The following QRSL1 variants were observed in gnomAD, a reference collection of about 807,000 sequenced individuals.
The protein encoded by QRSL1 is glutamyl-tRNA(Gln) amidotransferase subunit A, mitochondrial.
QRSL1 carries 54 observed loss-of-function variants against 61.6 expected under a neutral mutation model. The observed-to-expected ratio is 0.88, with a 90% CI of 0.70 to 1.10. The LOEUF (loss-of-function observed/expected upper bound fraction) is 1.10, where lower values mean the gene tolerates loss of function less well. Ranked by LOEUF, QRSL1 falls within the 50% of genes least tolerant of loss-of-function variation. The probability of loss-of-function intolerance (pLI) is 0.00; values close to 1 mark genes in which losing one functional copy is unlikely to be tolerated. For synonymous variants in QRSL1, 228 were observed against 225.7 expected (o/e 1.01, Z -0.09); for missense variants, 505 against 622.6 (o/e 0.81, Z 2.01).
At chr6:106,650,910 A>T (rs972840779) in intron 5 of QRSL1, among the ~76,000 whole-genome samples, 3 of 152,228 alleles carry the variant, frequency 2.0e-5, no homozygotes, top group Non-Finnish European at 4.4e-5. Flanking sequence ...GTTCTACAGC[A>T]CAACTTCTGT....
At chr6:106,655,773 C>A in intron 9 of QRSL1, 41 bp downstream of exon 9, 1 of 1,211,928 alleles carries the variant, frequency 8.3e-7, no homozygotes, top group Non-Finnish European at 1.2e-6. Flanking sequence ...TTCTTGAAAC[C>A]TCAAGTAACA....
chr6:106,637,270 T>C (rs1234087795), intron 1 of QRSL1, among the ~76,000 whole-genome samples: 1 of 152,152 alleles, frequency 6.6e-6, no homozygotes, highest in Non-Finnish European at 1.5e-5. Flanking sequence ...TAATGATGTA[T>C]ATAGTCTAGA....
At position 106,668,396 on chromosome 6, in the gene QRSL1, T is replaced by C. The variant is rs947134131; in HGVS notation, c.*2394T>C. The C allele has an allele frequency of 1.3e-5, 2 of 152,104 alleles. No individual in the cohort carries two copies. Among genetic ancestry groups the C allele is most frequent in the Non-Finnish European group, 2.9e-5 (2 of 68,022 alleles). 9.4% of individuals were successfully genotyped at this position (152,104 alleles called of 1,614,324 possible). A position where few individuals can be genotyped will look rare whatever the true frequency, so the allele number is the denominator to read the frequency against. ...CTTTCTTTGTCTCAGCTAATTAAAC[T>C]CTAAAATTATTAGCAACAGAACTTC... On this transcript the variant is annotated 3_prime_UTR_variant, in exon 11 of 11. Coordinates refer to ENST00000369046, the MANE Select transcript of QRSL1 (RefSeq NM_018292.5).
At chr6:106,656,003 T>G (rs904819916) in intron 9 of QRSL1, among the ~76,000 whole-genome samples, 2 of 151,952 alleles carry the variant, frequency 1.3e-5, no homozygotes, top group South Asian at 4.1e-4. Flanking sequence ...ATCAAAAATA[T>G]TCAAAAAATA....
intron 9 of QRSL1, among the ~76,000 whole-genome samples, chr6:106,660,162 A>G (rs756992322): frequency 3.3e-5 from 5 of 150,278 alleles, no homozygotes; most frequent in Non-Finnish European, 7.4e-5. Context: ...GCCCCTAGGC[A>G]TTAAGCTGGG....
chr6:106,653,536 A>AATATATGTAAG (rs1296472145), intron 7 of QRSL1: 2 of 152,200 alleles, frequency 1.3e-5, no homozygotes, highest in African/African-American at 4.8e-5. Context: ...CCATTAAGGT[A>AATATATGTAAG]ATATATGTAA....
intron 9 of QRSL1, among the ~76,000 whole-genome samples, chr6:106,657,173 G>T (rs1276345888): frequency 2.0e-5 from 3 of 152,038 alleles, no homozygotes; most frequent in Admixed American, 6.5e-5. Flanking sequence ...AGAGACTGAG[G>T]CAGGAGAATC....
At chr6:106,646,284 C>T (rs535343859) in intron 4 of QRSL1, among the ~76,000 whole-genome samples, 4 of 152,128 alleles carry the variant, frequency 2.6e-5, no homozygotes, top group African/African-American at 4.8e-5. Context: ...GTGAAGTGGA[C>T]GTTATGTGCC....
Position 106,629,632 on chromosome 6 carries a change from C to CT in QRSL1, c.-45dup. 3 of 1,577,348 alleles carry CT rather than the reference C, an allele frequency of 1.9e-6. No homozygotes were observed. Among genetic ancestry groups the CT allele is most frequent in the South Asian group, 1.2e-5 (1 of 85,778 alleles). On this transcript the variant is annotated 5_prime_UTR_variant, in exon 1 of 11. Coordinates refer to ENST00000369046, the MANE Select transcript of QRSL1 (RefSeq NM_018292.5). ...TAACATCACTAGCGACCGGTGACCTCTTTTTCCCCCTTGCCTGGCTCCTGT... is the reference window on the plus strand; with the variant it reads ...TAACATCACTAGCGACCGGTGACCTCTTTTTTCCCCCTTGCCTGGCTCCTGT...
At chr6:106,630,170 C>T (rs1360564202) in intron 1 of QRSL1, among the ~76,000 whole-genome samples, 1 of 152,164 alleles carries the variant, frequency 6.6e-6, no homozygotes, top group Non-Finnish European at 1.5e-5. Flanking sequence ...ACTAAGATAC[C>T]AGTGATTTCC....
At chr6:106,664,694 T>C (rs1777405995) in intron 10 of QRSL1, among the ~76,000 whole-genome samples, 1 of 152,328 alleles carries the variant, frequency 6.6e-6, no homozygotes, top group African/African-American at 2.4e-5. Flanking sequence ...AAGTACTACA[T>C]AATCTTCATG....
chr6:106,648,311 T>A (rs892313490), intron 4 of QRSL1, among the ~76,000 whole-genome samples: 9 of 151,514 alleles, frequency 5.9e-5, no homozygotes, highest in Non-Finnish European at 1.0e-4. Context: ...AAAAAAAAAA[T>A]TATTGTATTG....
At chr6:106,644,674 C>T (rs531335603) in intron 4 of QRSL1, among the ~76,000 whole-genome samples, 2 of 152,158 alleles carry the variant, frequency 1.3e-5, no homozygotes, top group Admixed American at 1.3e-4. Flanking sequence ...GCACGCACCA[C>T]CGGGCCCAGC....
intron 10 of QRSL1, among the ~76,000 whole-genome samples, chr6:106,665,031 A>C (rs1777409802): frequency 6.6e-6 from 1 of 152,068 alleles, no homozygotes; most frequent in Non-Finnish European, 1.5e-5. Flanking sequence ...TCTTTAATTC[A>C]ATGTATTATA....
At chr6:106,650,890 G>T (rs953236331) in intron 5 of QRSL1, among the ~76,000 whole-genome samples, 1 of 152,118 alleles carries the variant, frequency 6.6e-6, no homozygotes, top group African/African-American at 2.4e-5. Flanking sequence ...TTTTATAGTA[G>T]ATATGTACTG....
chr6:106,634,540 G>T (rs1248923410), intron 1 of QRSL1, among the ~76,000 whole-genome samples: 1 of 152,216 alleles, frequency 6.6e-6, no homozygotes, highest in East Asian at 1.9e-4. Context: ...GCTGAGGCAG[G>T]CTGATTGTCT....
At chr6:106,637,274 G>A (rs148172677) in intron 1 of QRSL1, among the ~76,000 whole-genome samples, 1 of 152,204 alleles carries the variant, frequency 6.6e-6, no homozygotes, top group Non-Finnish European at 1.5e-5. Context: ...GATGTATATA[G>A]TCTAGACAGT....
chr6:106,665,224 T>A (rs1251818807), intron 10 of QRSL1, among the ~76,000 whole-genome samples: 1 of 152,218 alleles, frequency 6.6e-6, no homozygotes, highest in Admixed American at 6.5e-5. Flanking sequence ...GAATTAAAAC[T>A]ACCCTGAGCT....
At chr6:106,640,569 C>T in intron 2 of QRSL1, 61 bp downstream of exon 2, 1 of 1,380,410 alleles carries the variant, frequency 7.2e-7, no homozygotes, top group East Asian at 2.4e-5. Flanking sequence ...TTGTTTGTAG[C>T]AGTCTCCATT....
Sources: gnomAD v4.1 joint callset for allele counts (sites outside exome capture counted in the v4.1 genomes callset) on GRCh38, gnomAD v4.1.1 for gene constraint, MANE v1.5 for transcripts, NCBI Gene and HGNC (gene_info 2026-07-23, HGNC 2026-07-21) for gene names.